Variants in NKAIN2 observed in about 807,000 individuals in gnomAD.
NKAIN2 encodes the protein sodium/potassium-transporting ATPase subunit beta-1-interacting protein 2.
A neutral mutation model predicts 32.6 loss-of-function variants in NKAIN2; 14 were observed. That is an observed-to-expected ratio of 0.43 (90% confidence interval 0.28 to 0.67). NKAIN2 has a LOEUF of 0.67. NKAIN2 is among the 30% of genes least tolerant of loss of function. The probability of loss-of-function intolerance (pLI) is 0.17; values close to 1 mark genes in which losing one functional copy is unlikely to be tolerated. For missense variants in NKAIN2, 198 were observed against 258.3 expected, an observed-to-expected ratio of 0.77 and a Z score of 1.60; for synonymous variants, 80 against 87.2, an observed-to-expected ratio of 0.92 and a Z score of 0.46.
chr6:124,508,384 A>G (rs545408059), intron 3 of NKAIN2, among the ~76,000 whole-genome samples: 34 of 151,004 alleles, frequency 2.3e-4, no homozygotes, highest in South Asian at 1.5e-3. Context: ...TCGCTCTGTC[A>G]CCCAGGCTGG....
chr6:124,653,126 T>A (rs1050837651), intron 3 of NKAIN2, among the ~76,000 whole-genome samples: 1 of 152,180 alleles, frequency 6.6e-6, no homozygotes, highest in Admixed American at 6.5e-5. Context: ...CAAGTAATTT[T>A]ATGGATGTTG....
Position 123,804,112 on chromosome 6 carries a change from T to C in NKAIN2, c.-89T>C. Reference sequence around the variant, plus strand: ...CCCCCGAGCCCTCGGCAGGTTTGCGTGTCCTTCCCCGCGATCTGATTGGAT... The same window carrying C: ...CCCCCGAGCCCTCGGCAGGTTTGCGCGTCCTTCCCCGCGATCTGATTGGAT... On this transcript the variant is annotated 5_prime_UTR_variant, in exon 1 of 7. Coordinates refer to ENST00000368417, the MANE Select transcript of NKAIN2 (RefSeq NM_001040214.3). 3 of 1,250,678 alleles carry C rather than the reference T, an allele frequency of 2.4e-6. No individual in the cohort carries two copies. Among genetic ancestry groups the C allele is most frequent in the Non-Finnish European group, 2.4e-6 (2 of 849,758 alleles). The allele number at this position is 1,250,678 out of a possible 1,614,324, so 77.5% of individuals were successfully genotyped here.
In NKAIN2 at chr6:124,504,456, A is replaced by G. The variant is rs112866193; in HGVS notation, c.273+149109A>G. ...CTTTGCATTAAAGTGATTACAAAAT[A>G]CTTTAAAATTCTCTTACTTCTTTTT... On this transcript the variant is annotated intron_variant, in intron 3 of 6. Coordinates refer to ENST00000368417, the MANE Select transcript of NKAIN2 (RefSeq NM_001040214.3). 8.6e-4 allele frequency among the ~76,000 whole-genome samples: 131 copies of G among 152,326 alleles called. 2 individuals carry two copies. The highest frequency in any genetic ancestry group is 6.8e-3 in the Middle Eastern group (2 of 294).
intron 1 of NKAIN2, among the ~76,000 whole-genome samples, chr6:124,254,823 A>G (rs548208127): frequency 6.6e-6 from 1 of 152,346 alleles, no homozygotes; most frequent in Admixed American, 6.5e-5. Flanking sequence ...AAGCATTACA[A>G]AACAATAGTA....
At chr6:124,277,191 G>A (rs1392089545) in intron 1 of NKAIN2, among the ~76,000 whole-genome samples, 2 of 152,050 alleles carry the variant, frequency 1.3e-5, no homozygotes, top group Non-Finnish European at 2.9e-5. Context: ...GATGCTACTG[G>A]AAACTAGAAA....
At chr6:123,950,241 T>C (rs1777262470) in intron 1 of NKAIN2, among the ~76,000 whole-genome samples, 1 of 151,794 alleles carries the variant, frequency 6.6e-6, no homozygotes, top group Non-Finnish European at 1.5e-5. Flanking sequence ...GATATTGACC[T>C]GTAGTTTTAA....
chr6:123,816,163 A>G (rs1773686359), intron 1 of NKAIN2, among the ~76,000 whole-genome samples: 1 of 152,124 alleles, frequency 6.6e-6, no homozygotes, highest in Non-Finnish European at 1.5e-5. Flanking sequence ...ATGTGGGACA[A>G]TGAAGGGTCC....
chr6:124,705,386 A>G (rs73770543), intron 4 of NKAIN2, among the ~76,000 whole-genome samples: 10,932 of 152,136 alleles, frequency 0.072, 518 homozygotes, highest in African/African-American at 0.13. Flanking sequence ...AAATGATACC[A>G]CATGACACAG....
intron 3 of NKAIN2, among the ~76,000 whole-genome samples, chr6:124,640,982 C>G (rs1783964391): frequency 1.3e-5 from 2 of 152,146 alleles, no homozygotes; most frequent in African/African-American, 4.8e-5. Flanking sequence ...TAGCAGCAAA[C>G]TTTCTTCTGC....
intron 3 of NKAIN2, among the ~76,000 whole-genome samples, chr6:124,491,081 GA>G (rs1363715384): frequency 7.2e-5 from 11 of 151,938 alleles, no homozygotes; most frequent in African/African-American, 2.7e-4. Context: ...AATATCTTTA[GA>G]GAAAATAGAT....
intron 2 of NKAIN2, among the ~76,000 whole-genome samples, chr6:124,332,140 A>G (rs1451555965): frequency 6.6e-6 from 1 of 152,120 alleles, no homozygotes; most frequent in Non-Finnish European, 1.5e-5. Flanking sequence ...TTGAACTGCA[A>G]ATAAAATACC....
chr6:124,336,646 G>T (rs1797874298), intron 2 of NKAIN2, among the ~76,000 whole-genome samples: 1 of 150,360 alleles, frequency 6.7e-6, no homozygotes, highest in Non-Finnish European at 1.5e-5. Context: ...GTAGCCAAAA[G>T]TACTTCTAAC....
intron 4 of NKAIN2, among the ~76,000 whole-genome samples, chr6:124,721,143 G>T (rs1445516642): frequency 6.6e-6 from 1 of 152,124 alleles, no homozygotes; most frequent in Non-Finnish European, 1.5e-5. Flanking sequence ...TTGGCCGGGC[G>T]CGGTGGCTCA....
intron 2 of NKAIN2, among the ~76,000 whole-genome samples, chr6:124,309,411 A>AT (rs1796631472): frequency 6.6e-6 from 1 of 152,250 alleles, no homozygotes; most frequent in East Asian, 1.9e-4. Flanking sequence ...TCTATATCTG[A>AT]AATCAAGTTG....
intron 1 of NKAIN2, among the ~76,000 whole-genome samples, chr6:123,906,994 T>C (rs1402960569): frequency 6.6e-6 from 1 of 152,220 alleles, no homozygotes; most frequent in African/African-American, 2.4e-5. Flanking sequence ...ATCAAACTAG[T>C]TTGATCTTTG....
At chr6:123,807,767 A>G (rs922141327) in intron 1 of NKAIN2, among the ~76,000 whole-genome samples, 3 of 152,164 alleles carry the variant, frequency 2.0e-5, no homozygotes, top group African/African-American at 7.2e-5. Flanking sequence ...GGCACAAAAC[A>G]TGTCATAAAC....
At chr6:124,210,475 G>A (rs1791116432) in intron 1 of NKAIN2, among the ~76,000 whole-genome samples, 1 of 151,696 alleles carries the variant, frequency 6.6e-6, no homozygotes, top group African/African-American at 2.4e-5. Context: ...AATGTCATCA[G>A]CATTTGGATG....
chr6:124,384,840 C>G (rs1404881752), intron 3 of NKAIN2, among the ~76,000 whole-genome samples: 3 of 152,222 alleles, frequency 2.0e-5, no homozygotes, highest in East Asian at 3.9e-4. Context: ...CCAGGCTGCT[C>G]TGAAACTCCT....
intron 2 of NKAIN2, among the ~76,000 whole-genome samples, chr6:124,301,321 T>C (rs953702838): frequency 6.6e-6 from 1 of 152,144 alleles, no homozygotes; most frequent in Non-Finnish European, 1.5e-5. Flanking sequence ...AGAGGATGTA[T>C]GGAAATGCCT....
Sources: gnomAD v4.1 joint callset for allele counts (sites outside exome capture counted in the v4.1 genomes callset) on GRCh38, gnomAD v4.1.1 for gene constraint, MANE v1.5 for transcripts, NCBI Gene and HGNC (gene_info 2026-07-23, HGNC 2026-07-21) for gene names.